The following ZSWIM8 variants were observed in gnomAD, a reference collection of about 807,000 sequenced individuals.
The protein encoded by ZSWIM8 is zinc finger SWIM domain-containing protein 8.
In ZSWIM8, 27 loss-of-function variants were observed where a neutral mutation model predicts 173.7. The ratio of observed to expected loss-of-function variants is 0.16; its 90% CI spans 0.11 to 0.21. The LOEUF is 0.21. Among genes scored for constraint, ZSWIM8 ranks in the 10% least tolerant of loss-of-function variants. The pLI, the probability that ZSWIM8 is intolerant of heterozygous loss-of-function variation, is 1.00. For synonymous variants in ZSWIM8, 958 were observed against 962.0 expected (o/e 1.00, Z 0.08); for missense variants, 1,627 against 2,428.8 (o/e 0.67, Z 6.94).
In ZSWIM8 at chr10:73,793,920, T is replaced by C. The variant is rs1241766791; in HGVS notation, c.2501T>C (p.Leu834Pro). The change falls in exon 12 of 26, where the codon CTG (leucine) becomes CCG (proline). Residue 834 changes from leucine to proline, a missense_variant. Physicochemically the swap from Leu to Pro is moderately conservative, Grantham distance 98. This residue lies in a region of ZSWIM8 where 169 missense variants were observed against 235.3 expected (regional missense o/e 0.72). Coordinates refer to ENST00000604729, the MANE Select transcript of ZSWIM8 (RefSeq NM_001367799.1). ...CAGACCTGGGTGGCTACCAACACCC[T>C]GAGCAAGGCGGCCTTCCTGTTGACA... ...SRQTWVATNT[L>P]SKAAFLLTVL... 6.2e-7 allele frequency: 1 copy of C among 1,613,458 alleles called. No individual in the cohort carries two copies. Among genetic ancestry groups the C allele is most frequent in the Non-Finnish European group, 8.5e-7 (1 of 1,179,740 alleles).
rs755308599 is a variant in ZSWIM8, at chr10:73,799,168, C to T, written c.4343C>T (p.Ala1448Val). 14 of 1,611,894 alleles carry T rather than the reference C, an allele frequency of 8.7e-6. No individual in the cohort carries two copies. The highest frequency in any genetic ancestry group is 1.2e-5 in the Non-Finnish European group (14 of 1,179,044). ...TAREGATSCS[A>V]SGIRAGGEAG... is the part of the protein sequence containing the mutation. ...CGTGAAGGGGCTACAAGCTGTAGTG[C>T]CAGTGGGATCAGGGCAGGTGGGGAA... The change falls in exon 21 of 26, where the codon GCC becomes GTC. Residue 1448 changes from alanine (A) to valine (V), a missense_variant. Physicochemically the swap from Ala to Val is moderately conservative, Grantham distance 64. Around this residue, in one of 18 missense-constraint regions of ZSWIM8, gnomAD observed 275 missense variants for 290.1 expected, o/e 0.95. Coordinates refer to ENST00000604729, the MANE Select transcript of ZSWIM8 (RefSeq NM_001367799.1).
rs1470708718 is a variant in ZSWIM8, at chr10:73,792,296, A to G, written c.1757A>G (p.Lys586Arg). 1 of 1,611,078 alleles carries G rather than the reference A, an allele frequency of 6.2e-7. No individual in the cohort carries two copies. The highest frequency in any genetic ancestry group is 8.5e-7 in the Non-Finnish European group (1 of 1,178,454). The change falls in exon 10 of 26, where the codon AAG becomes AGG. Residue 586 changes from lysine (K) to arginine (R), a missense_variant. Physicochemically the swap from Lys to Arg is conservative, Grantham distance 26. Transcript: ENST00000604729. The surrounding 1 kb of genome is among the most constrained non-coding windows in gnomAD (Gnocchi z 4.3). ...HKMGPGGGKA[K>R]ALGGAGSGSK... ...ATGGGTCCAGGTGGGGGCAAAGCCA[A>G]GGCACTGGGTGGGGCTGGCAGTGGG...
In ZSWIM8 at chr10:73,791,436, T is replaced by C. The variant is rs765135081; in HGVS notation, c.1256T>C (p.Met419Thr). 6.2e-7 allele frequency: 1 copy of C among 1,613,786 alleles called. No individual in the cohort carries two copies. Among genetic ancestry groups the C allele is most frequent in the Non-Finnish European group, 8.5e-7 (1 of 1,179,714 alleles). The change falls in exon 9 of 26, where the codon ATG becomes ACG. Residue 419 changes from methionine to threonine, a missense_variant. Physicochemically the swap from Met to Thr is moderately conservative, Grantham distance 81 (BLOSUM62 -1). This residue lies in a region of ZSWIM8 where 103 missense variants were observed against 155.6 expected (regional missense o/e 0.66). Transcript: ENST00000604729. This position sits in a 1 kb window ranked among gnomAD's most constrained non-coding sequence, Gnocchi z 6.0. ...GTGGCAGCCCATGCCTGTGCCAGCATGTGTGACGAGATGGTCACACTGTGG... is the reference window on the plus strand; with the variant it reads ...GTGGCAGCCCATGCCTGTGCCAGCACGTGTGACGAGATGGTCACACTGTGG... ...SEVAAHACAS[M>T]CDEMVTLWRL...
chr10:73,792,303 G>A lies in ZSWIM8; in HGVS notation c.1764G>A (p.Leu588=), dbSNP rs1356557872. The change falls in exon 10 of 26, where the codon CTG becomes CTA. Residue 588 remains leucine, a synonymous_variant. Transcript: ENST00000604729. This position sits in a 1 kb window ranked among gnomAD's most constrained non-coding sequence, Gnocchi z 4.3. ...MGPGGGKAKA[L]GGAGSGSKGS... ...CAGGTGGGGGCAAAGCCAAGGCACT[G>A]GGTGGGGCTGGCAGTGGGAGCAAGG... is the stretch of plus-strand genomic sequence containing the variant. 6.2e-7 allele frequency: 1 copy of A among 1,612,150 alleles called. No homozygotes were observed. Among genetic ancestry groups the A allele is most frequent in the African/African-American group, 1.3e-5 (1 of 74,948 alleles).
chr10:73,792,567 G>A lies in ZSWIM8; in HGVS notation c.2028G>A (p.Ser676=), dbSNP rs935332601. The A allele has an allele frequency of 5.6e-6, 9 of 1,613,898 alleles. No individual in the cohort carries two copies. Among genetic ancestry groups the A allele is most frequent in the East Asian group, 4.5e-5 (2 of 44,886 alleles). ...AAGAAGATGGTGGTGTGTACTTCTC[G>A]GAAGGGCCTGAGCCTCCCACAGCCT... ...TYEEDGGVYF[S]EGPEPPTASV... Residue 676 remains serine, a synonymous_variant, in exon 10 of 26, where the codon TCG becomes TCA. Transcript: ENST00000604729. This position sits in a 1 kb window ranked among gnomAD's most constrained non-coding sequence, Gnocchi z 4.3.
chr10:73,801,241 GT>G lies in ZSWIM8; in HGVS notation c.5301+47del, dbSNP rs764124219. On this transcript the variant is annotated intron_variant, in intron 25 of 25. Transcript: ENST00000604729. This position sits in a 1 kb window ranked among gnomAD's most constrained non-coding sequence, Gnocchi z 4.9. ...AGCAGGGTGGAGCACTTCCTGGGTG[GT>G]CTTGGACCAGAGGGAGGCAGGGCCT... is the stretch of plus-strand genomic sequence containing the variant. 6.2e-7 allele frequency: 1 copy of G among 1,602,754 alleles called. No homozygotes were observed. Among genetic ancestry groups the G allele is most frequent in the Non-Finnish European group, 8.5e-7 (1 of 1,172,834 alleles).
intron 14 of ZSWIM8, 121 bp downstream of exon 14, chr10:73,794,760 C>A: frequency 1.1e-6 from 1 of 870,856 alleles, no homozygotes; most frequent in Non-Finnish European, 1.8e-6. Context: ...TGTGAGCCAA[C>A]TAGTGCCTGT....
chr10:73,790,223 A>G lies in ZSWIM8; in HGVS notation c.872A>G (p.Glu291Gly). 6.2e-7 allele frequency: 1 copy of G among 1,613,818 alleles called. No homozygotes were observed. The highest frequency in any genetic ancestry group is 8.5e-7 in the Non-Finnish European group (1 of 1,179,778). The stretch of plus-strand genomic sequence containing the variant: ...GACCAGAGTACTTGGTATCTGGATG[A>G]ATCGACACTCACTGACAACATCAAA... ...ASDQSTWYLD[E>G]STLTDNIKKT... The change falls in exon 7 of 26, where the codon GAA (glutamate) becomes GGA (glycine). Residue 291 changes from glutamate (E) to glycine (G), a missense_variant. Transcript: ENST00000604729.
At chr10:73,798,854 C>A in intron 20 of ZSWIM8, 148 bp from the exon 21 acceptor site, 4 of 1,132,760 alleles carry the variant, frequency 3.5e-6, no homozygotes, top group Non-Finnish European at 4.9e-6. Flanking sequence ...GCACTCACTG[C>A]TCTGATAATG....
chr10:73,798,605 T>G (rs2083774726), intron 20 of ZSWIM8, among the ~76,000 whole-genome samples, 152 bp downstream of exon 20: 1 of 152,268 alleles, frequency 6.6e-6, no homozygotes. Flanking sequence ...CCCATTAATG[T>G]GCTTTCACAC....
In ZSWIM8 at chr10:73,791,736, G is replaced by T. The variant is rs1489028556; in HGVS notation, c.1320-123G>T. On this transcript the variant is annotated intron_variant, in intron 9 of 25. Coordinates refer to ENST00000604729, the MANE Select transcript of ZSWIM8 (RefSeq NM_001367799.1). This position sits in a 1 kb window ranked among gnomAD's most constrained non-coding sequence, Gnocchi z 6.0. ...CTCCAGTGTTTCAGTGATGCTTATG[G>T]GGCTGGGTCAAGAAGTACTTTCCTG... 7.4e-7 allele frequency: 1 copy of T among 1,349,408 alleles called. No individual in the cohort carries two copies. The highest frequency in any genetic ancestry group is 9.8e-7 in the Non-Finnish European group (1 of 1,016,974). 83.6% of individuals were successfully genotyped at this position (1,349,408 alleles called of 1,614,324 possible). A position where few individuals can be genotyped will look rare whatever the true frequency, so the allele number is the denominator to read the frequency against.
rs1330156952 is a variant in ZSWIM8, at chr10:73,801,685, A to C, written c.*166A>C. 6.5e-7 allele frequency: 1 copy of C among 1,533,766 alleles called. No individual in the cohort carries two copies. Among genetic ancestry groups the C allele is most frequent in the African/African-American group, 1.4e-5 (1 of 73,014 alleles). ...ATAGCTTGGGGCCAAGATGTCTCACACCCTAGAAGCCTAGGGCTGGGGGAG... is the reference window on the plus strand; with the variant it reads ...ATAGCTTGGGGCCAAGATGTCTCACCCCCTAGAAGCCTAGGGCTGGGGGAG... On this transcript the variant is annotated 3_prime_UTR_variant, in exon 26 of 26. Transcript: ENST00000604729. The surrounding 1 kb of genome is among the most constrained non-coding windows in gnomAD (Gnocchi z 4.9).
Position 73,801,251 on chromosome 10 carries a change from A to G in ZSWIM8, c.5301+56A>G, listed in dbSNP as rs2083947082. ...AGCACTTCCTGGGTGGTCTTGGACC[A>G]GAGGGAGGCAGGGCCTGTTTCTGTG... is the stretch of plus-strand genomic sequence containing the variant. On this transcript the variant is annotated intron_variant, in intron 25 of 25. Transcript: ENST00000604729. This position sits in a 1 kb window ranked among gnomAD's most constrained non-coding sequence, Gnocchi z 4.9. 2 of 1,603,472 alleles carry G rather than the reference A, an allele frequency of 1.2e-6. No homozygotes were observed. The highest frequency in any genetic ancestry group is 2.7e-5 in the African/African-American group (2 of 74,712).
Position 73,792,544 on chromosome 10 carries a change from G to A in ZSWIM8, c.2005G>A (p.Glu669Lys). 6.2e-7 allele frequency: 1 copy of A among 1,614,030 alleles called. No homozygotes were observed. Among genetic ancestry groups the A allele is most frequent in the Non-Finnish European group, 8.5e-7 (1 of 1,179,876 alleles). The change falls in exon 10 of 26, where the codon GAA (glutamate) becomes AAA (lysine). Residue 669 changes from glutamate to lysine, a missense_variant. Glu to Lys is a moderately conservative substitution (Grantham distance 56). This residue lies in a region of ZSWIM8 where 383 missense variants were observed against 394.8 expected (regional missense o/e 0.97). Coordinates refer to ENST00000604729, the MANE Select transcript of ZSWIM8 (RefSeq NM_001367799.1). The surrounding 1 kb of genome is among the most constrained non-coding windows in gnomAD (Gnocchi z 4.3). ...FLPEPPDTYE[E>K]DGGVYFSEGP... is the part of the protein sequence containing the mutation. ...TCCTGAGCCCCCAGATACTTATGAA[G>A]AAGATGGTGGTGTGTACTTCTCGGA...
chr10:73,789,906 T>G lies in ZSWIM8; in HGVS notation c.739-50T>G, dbSNP rs369374922. 1.3e-6 allele frequency: 2 copies of G among 1,594,548 alleles called. No individual in the cohort carries two copies. The highest frequency in any genetic ancestry group is 1.7e-6 in the Non-Finnish European group (2 of 1,168,714). On this transcript the variant is annotated intron_variant, in intron 5 of 25. Coordinates refer to ENST00000604729, the MANE Select transcript of ZSWIM8 (RefSeq NM_001367799.1). The surrounding 1 kb of genome is among the most constrained non-coding windows in gnomAD (Gnocchi z 6.8). ...CCTTCCTGTTAGGCCCAGGCCTCCA[T>G]GGGTTCACCTAGGCCGTGTTCTGCC...
chr10:73,790,859 A>T lies in ZSWIM8; in HGVS notation c.942-116A>T, dbSNP rs200896997. On this transcript the variant is annotated intron_variant, in intron 7 of 25. Coordinates refer to ENST00000604729, the MANE Select transcript of ZSWIM8 (RefSeq NM_001367799.1). ...GCAAGACTTGGTCTCAAAAAAAAAA[A>T]TTTTGTTACAGATGTCTTTTTCCCT... 1.6e-4 allele frequency: 163 copies of T among 1,024,034 alleles called. 1 individual carries two copies. The highest frequency in any genetic ancestry group is 1.1e-3 in the Middle Eastern group (4 of 3,744). 63.4% of individuals were successfully genotyped at this position (1,024,034 alleles called of 1,614,324 possible). A position where few individuals can be genotyped will look rare whatever the true frequency, so the allele number is the denominator to read the frequency against.
Position 73,791,883 on chromosome 10 carries a change from G to A in ZSWIM8, c.1344G>A (p.Leu448=), listed in dbSNP as rs1464341638. The change falls in exon 10 of 26, where the codon CTG becomes CTA. Residue 448 remains leucine, a synonymous_variant. Coordinates refer to ENST00000604729, the MANE Select transcript of ZSWIM8 (RefSeq NM_001367799.1). The surrounding 1 kb of genome is among the most constrained non-coding windows in gnomAD (Gnocchi z 6.0). ...GGCGCCGGGAACTGTGTACGCAGCT[G>A]CGGCAGTGGCAACTGAAGGTGATTG... ...PQRRRELCTQ[L]RQWQLKVIEN... The A allele has an allele frequency of 6.5e-7, 1 of 1,539,856 alleles. No individual in the cohort carries two copies. Among genetic ancestry groups the A allele is most frequent in the South Asian group, 1.2e-5 (1 of 82,608 alleles).
intron 1 of ZSWIM8, 24 bp from the exon 2 acceptor site, chr10:73,788,645 CT>C (rs1484621048): frequency 3.0e-5 from 48 of 1,612,626 alleles, no homozygotes; most frequent in Non-Finnish European, 4.0e-5. Flanking sequence ...TCTCTTTCCC[CT>C]GATCCCAACC....
chr10:73,787,816 G>A (rs1050334558), intron 1 of ZSWIM8, among the ~76,000 whole-genome samples: 4 of 152,140 alleles, frequency 2.6e-5, no homozygotes, highest in African/African-American at 7.2e-5. Context: ...TGGCACCATT[G>A]CACTCCAGCC....
Sources: allele counts gnomAD v4.1 joint callset (sites outside exome capture counted in the v4.1 genomes callset), GRCh38; gene constraint gnomAD v4.1.1; regional missense constraint gnomAD v4.1.1; non-coding constraint Gnocchi (gnomAD v3.1); transcripts MANE v1.5; gene names NCBI Gene and HGNC (gene_info 2026-07-23, HGNC 2026-07-21).